The following SPEF1 variants were observed in gnomAD, a reference collection of about 807,000 sequenced individuals.
SPEF1 encodes the protein sperm flagellar and cilia associated 1, also known as sperm flagella and cilia-associated protein 1.
Under a neutral mutation model 31.8 loss-of-function variants are expected in SPEF1, and 30 were observed. The observed-to-expected ratio is 0.94, with a 90% confidence interval of 0.70 to 1.28. The LOEUF (loss-of-function observed/expected upper bound fraction) is 1.28, where lower values mean the gene tolerates loss of function less well. Ranked by LOEUF, SPEF1 falls within the 50% of genes most tolerant of loss-of-function variation. The pLI is 0.00. For synonymous variants in SPEF1, 126 were observed against 130.1 expected (o/e 0.97, Z 0.21); for missense variants, 298 against 309.6 (o/e 0.96, Z 0.28).
chr20:3,780,708 C>A (rs1160317230), intron 1 of SPEF1, among the ~76,000 whole-genome samples: 1 of 152,142 alleles, frequency 6.6e-6, no homozygotes, highest in African/African-American at 2.4e-5. Context: ...ATAAGTATTT[C>A]TGTCATTGAG....
In SPEF1 at chr20:3,778,733, C is replaced by G. The variant is rs2088761538; in HGVS notation, c.479+13G>C. 1 of 1,613,248 alleles carries G rather than the reference C, an allele frequency of 6.2e-7. No homozygotes were observed. Among genetic ancestry groups the G allele is most frequent in the Non-Finnish European group, 8.5e-7 (1 of 1,179,548 alleles). ...ACCAGCCTGGTGAAGTCTGGAACTC[C>G]CAGCTTCTTTACCTGAGCTGACCCC... On this transcript the variant is annotated intron_variant, in intron 5 of 6. Coordinates refer to ENST00000379756, the MANE Select transcript of SPEF1 (RefSeq NM_015417.5).
intron 1 of SPEF1, among the ~76,000 whole-genome samples, chr20:3,780,158 T>C (rs1410734974): frequency 1.3e-5 from 2 of 151,300 alleles, no homozygotes; most frequent in Non-Finnish European, 2.9e-5. Flanking sequence ...GCCAACATGG[T>C]GAAACCCCAT....
chr20:3,778,630 C>A (rs1449507930), intron 5 of SPEF1, 86 bp from the exon 6 acceptor site: 2 of 1,562,426 alleles, frequency 1.3e-6, no homozygotes, highest in Non-Finnish European at 1.7e-6. Flanking sequence ...CTTCCCTTCT[C>A]CCCCTCTAGC....
At position 3,778,269 on chromosome 20, in the gene SPEF1, A is replaced by AT; in HGVS notation, c.653dup (p.Asn218LysfsTer17). The AT allele has an allele frequency of 6.2e-7, 1 of 1,612,002 alleles. No individual in the cohort carries two copies. Among genetic ancestry groups the AT allele is most frequent in the South Asian group, 1.1e-5 (1 of 90,950 alleles). On this transcript the variant is annotated frameshift_variant, in exon 7 of 7. Transcript: ENST00000379756. LOFTEE classifies it high-confidence loss of function. ...GCCGGGAGAGGTCTTCGATCCGCAC[A>AT]TTCTTGAGCTGGAGCAGGTGCTCCA...
At chr20:3,779,833 G>C (rs1229064001) in intron 1 of SPEF1, 58 bp from the exon 2 acceptor site, 1 of 590,586 alleles carries the variant, frequency 1.7e-6, no homozygotes, top group Non-Finnish European at 3.1e-6. Flanking sequence ...AGGAGGAGGT[G>C]AGAGAAGGTG....
chr20:3,779,151 C>A (rs768391814), intron 3 of SPEF1, 45 bp downstream of exon 3: 4 of 1,544,824 alleles, frequency 2.6e-6, no homozygotes, highest in Non-Finnish European at 1.7e-6. Flanking sequence ...GAGCGCCCCC[C>A]ACCCAGCCCC....
rs370953546 is a variant in SPEF1, at chr20:3,779,206, C to A, written c.368G>T (p.Gly123Val). ...GGAGCGGGGTGGCACCTGTAAGGAG[C>A]CGGCGCCCTGCTTCCTGCGCCTCTG... ...ERQRRRKQGAGSLQELAPQDG... is the reference protein window; with the variant it reads ...ERQRRRKQGAVSLQELAPQDG... Residue 123 changes from glycine to valine, a missense_variant, in exon 3 of 7, where the codon GGC becomes GTC. Coordinates refer to ENST00000379756, the MANE Select transcript of SPEF1 (RefSeq NM_015417.5). The A allele has an allele frequency of 2.5e-6, 4 of 1,573,666 alleles. No homozygotes were observed. In the African/African-American group the frequency reaches 4.0e-5, roughly 16 times the overall value.
In SPEF1 at chr20:3,778,531, G is replaced by A; in HGVS notation, c.493C>T (p.Pro165Ser). ...GGGQLSWDRPPAPRPPAYNRA... is the reference protein window; with the variant it reads ...GGGQLSWDRPSAPRPPAYNRA... ...TTATACGCTGGAGGCCGAGGCGCCG[G>A]CGGCCGGTCCCAGCTGGGGTGGGAA... The change falls in exon 6 of 7, where the codon CCG (proline) becomes TCG (serine). Residue 165 changes from proline to serine, a missense_variant. By Grantham distance (74) the Pro-to-Ser change is moderately conservative. Coordinates refer to ENST00000379756, the MANE Select transcript of SPEF1 (RefSeq NM_015417.5). The A allele has an allele frequency of 3.7e-6, 6 of 1,608,132 alleles. No homozygotes were observed. Among genetic ancestry groups the A allele is most frequent in the Non-Finnish European group, 5.1e-6 (6 of 1,178,442 alleles).
chr20:3,780,167 A>G (rs910098753), intron 1 of SPEF1, among the ~76,000 whole-genome samples: 2 of 151,712 alleles, frequency 1.3e-5, no homozygotes, highest in African/African-American at 4.8e-5. Context: ...GTGAAACCCC[A>G]TCTCTACTAA....
rs1161285428 is a variant in SPEF1 at position 3,779,703 on chromosome 20, G to C, written c.182C>G (p.Ser61Cys). ...VEMHNYVPAN[S>C]LQQKLSNWGH... is the part of the protein sequence containing the mutation. ...CCAGTTGCTGAGCTTCTGCTGGAGA[G>C]AGTTGGCGGGGACATAATTGTGCAT... The change falls in exon 2 of 7, where the codon TCT becomes TGT. Residue 61 changes from serine to cysteine, a missense_variant. Ser to Cys is a moderately radical substitution (Grantham distance 112). Transcript: ENST00000379756. The C allele has an allele frequency of 3.7e-6, 6 of 1,613,974 alleles. No individual in the cohort carries two copies. The South Asian group carries it at 5.5e-5, about 15-fold the overall frequency.
rs1202324303 is a variant in SPEF1 at position 3,778,487 on chromosome 20, G to A, written c.537C>T (p.Asp179=). ...CAGCGATCTGGAGGACGAAGCTGGG[G>A]TCGCCCTGCAACGCCCGGTTATACG... ...PPAYNRALQG[D]PSFVLQIAEK... Residue 179 remains aspartate (D), a synonymous_variant, in exon 6 of 7, where the codon GAC becomes GAT. Coordinates refer to ENST00000379756, the MANE Select transcript of SPEF1 (RefSeq NM_015417.5). 1 of 1,613,224 alleles carries A rather than the reference G, an allele frequency of 6.2e-7. No individual in the cohort carries two copies. The highest frequency in any genetic ancestry group is 8.5e-7 in the Non-Finnish European group (1 of 1,179,896).
Position 3,779,316 on chromosome 20 carries a change from A to C in SPEF1, c.258T>G (p.Asp86Glu), listed in dbSNP as rs757738064. ...ACTGCGCGATCTTGCGCATCACGTC[A>C]TCCGGTACTGAAAAGTTCAGCCTCT... is the stretch of plus-strand genomic sequence containing the variant. Reference protein sequence around the residue: ...VLKRLNFSVPDDVMRKIAQCA... With the variant: ...VLKRLNFSVPEDVMRKIAQCA... Residue 86 changes from aspartate (D) to glutamate (E), a missense_variant, in exon 3 of 7, where the codon GAT (aspartate) becomes GAG (glutamate). Coordinates refer to ENST00000379756, the MANE Select transcript of SPEF1 (RefSeq NM_015417.5). 1 of 1,600,978 alleles carries C rather than the reference A, an allele frequency of 6.2e-7. No homozygotes were observed. The highest frequency in any genetic ancestry group is 2.2e-5 in the East Asian group (1 of 44,508).
intron 3 of SPEF1, 90 bp from the exon 4 acceptor site, chr20:3,779,080 C>T: frequency 1.3e-6 from 2 of 1,598,104 alleles, no homozygotes; most frequent in African/African-American, 1.3e-5. Context: ...AGGCCAGGCT[C>T]TATTAGCCAA....
chr20:3,779,497 G>T, intron 2 of SPEF1, 145 bp from the exon 3 acceptor site: 1 of 898,320 alleles, frequency 1.1e-6, no homozygotes, highest in Non-Finnish European at 1.8e-6. Context: ...GCTTCCTTGT[G>T]TGGGTGTTCC....
In SPEF1 at chr20:3,778,465, C is replaced by A. The variant is rs1305590610; in HGVS notation, c.559G>T (p.Ala187Ser). The change falls in exon 6 of 7, where the codon GCT (alanine) becomes TCT (serine). Residue 187 changes from alanine (A) to serine (S), a missense_variant. By Grantham distance (99) the Ala-to-Ser change is moderately conservative. Coordinates refer to ENST00000379756, the MANE Select transcript of SPEF1 (RefSeq NM_015417.5). Reference protein sequence around the residue: ...QGDPSFVLQIAEKEQELLASQ... With the variant: ...QGDPSFVLQISEKEQELLASQ... ...GCCAACAGCTCCTGCTCCTTTTCAG[C>A]GATCTGGAGGACGAAGCTGGGGTCG... The A allele has an allele frequency of 4.3e-6, 7 of 1,613,592 alleles. No homozygotes were observed. The highest frequency in any genetic ancestry group is 1.6e-4 in the Middle Eastern group (1 of 6,084).
chr20:3,780,185 A>G (rs1313291777), intron 1 of SPEF1, among the ~76,000 whole-genome samples: 1 of 151,820 alleles, frequency 6.6e-6, no homozygotes, highest in Non-Finnish European at 1.5e-5. Context: ...TAAAAATACA[A>G]AAGTTAGCCA....
rs944242259 is a variant in SPEF1 at position 3,778,859 on chromosome 20, T to C, written c.419-53A>G. 24 of 1,607,804 alleles carry C rather than the reference T, an allele frequency of 1.5e-5. No individual in the cohort carries two copies. The African/African-American group carries it at 2.9e-4, about 20-fold the overall frequency. On this transcript the variant is annotated intron_variant, in intron 4 of 6. Coordinates refer to ENST00000379756, the MANE Select transcript of SPEF1 (RefSeq NM_015417.5). ...TGTGCTGGAGTCTCATTCTCCTGCT[T>C]CCCCCTCCCTACTTCCACTCTCACA...
chr20:3,779,491 C>T, intron 2 of SPEF1, 139 bp from the exon 3 acceptor site: 1 of 904,916 alleles, frequency 1.1e-6, no homozygotes. Flanking sequence ...ATCTGAGCTT[C>T]CTTGTGTGGG....
Position 3,778,163 on chromosome 20 carries a change from C to T in SPEF1, c.*49G>A, listed in dbSNP as rs1936253345. 7.4e-7 allele frequency: 1 copy of T among 1,348,232 alleles called. No individual in the cohort carries two copies. Among genetic ancestry groups the T allele is most frequent in the South Asian group, 1.4e-5 (1 of 71,476 alleles). The allele number at this position is 1,348,232 out of a possible 1,614,324, so 83.5% of individuals were successfully genotyped here. ...TCGGTGGGTGGGTCCGGCGCGGCGT[C>T]GGGGCTCTGGCGGGTACCCGGGCGT... On this transcript the variant is annotated 3_prime_UTR_variant, in exon 7 of 7. Transcript: ENST00000379756.
Sources: gnomAD v4.1 joint callset for allele counts (sites outside exome capture counted in the v4.1 genomes callset) on GRCh38, gnomAD v4.1.1 for gene constraint, MANE v1.5 for transcripts, NCBI Gene and HGNC (gene_info 2026-07-23, HGNC 2026-07-21) for gene names.